Variants in VGLL3 observed in about 807,000 individuals in gnomAD.
VGLL3 encodes vestigial like family member 3.
VGLL3 carries 18 observed loss-of-function variants against 29.2 expected under a neutral mutation model. The ratio of observed to expected loss-of-function variants is 0.62; its 90% CI spans 0.43 to 0.91. VGLL3 has a LOEUF of 0.91. Ranked by LOEUF, VGLL3 falls within the 40% of genes least tolerant of loss-of-function variation. The pLI is 0.00. For synonymous variants in VGLL3, 180 were observed against 151.8 expected, an observed-to-expected ratio of 1.19 and a Z score of -1.36; for missense variants, 440 against 413.2, an observed-to-expected ratio of 1.06 and a Z score of -0.56.
At chr3:86,947,166 G>C (rs1415863233) in intron 3 of VGLL3, 99 bp from the exon 4 acceptor site, 4 of 737,722 alleles carry the variant, frequency 5.4e-6, no homozygotes, top group Non-Finnish European at 1.0e-5. Context: ...AAACCAAAAT[G>C]ATAATCCAGG....
At chr3:86,948,258 C>T (rs1315786026) in intron 3 of VGLL3, among the ~76,000 whole-genome samples, 1 of 151,994 alleles carries the variant, frequency 6.6e-6, no homozygotes, top group Non-Finnish European at 1.5e-5. Flanking sequence ...TGTGTGGGTG[C>T]AAGGATCTCA....
At chr3:86,973,128 A>C (rs868760829) in intron 2 of VGLL3, among the ~76,000 whole-genome samples, 2 of 152,228 alleles carry the variant, frequency 1.3e-5, no homozygotes, top group Middle Eastern at 3.4e-3. Flanking sequence ...CCGAGTAAAA[A>C]ATTTAAGAAA....
intron 3 of VGLL3, among the ~76,000 whole-genome samples, chr3:86,968,023 AG>A (rs1705000220): frequency 6.6e-6 from 1 of 152,186 alleles, no homozygotes; most frequent in Non-Finnish European, 1.5e-5. Flanking sequence ...AGAGAAAAGA[AG>A]GAAAGGCAAA....
chr3:86,953,727 CAT>C (rs945503912), intron 3 of VGLL3, among the ~76,000 whole-genome samples: 1 of 152,050 alleles, frequency 6.6e-6, no homozygotes, highest in Non-Finnish European at 1.5e-5. Flanking sequence ...ACTCTGGCCA[CAT>C]GTTTATGCTT....
chr3:86,950,098 T>A (rs1036409882), intron 3 of VGLL3, among the ~76,000 whole-genome samples: 3 of 152,152 alleles, frequency 2.0e-5, no homozygotes, highest in African/African-American at 7.2e-5. Context: ...GCTTCCTCAC[T>A]TACCCAAATC....
chr3:86,966,113 C>A (rs1434961182), intron 3 of VGLL3, among the ~76,000 whole-genome samples: 2 of 152,132 alleles, frequency 1.3e-5, no homozygotes, highest in African/African-American at 4.8e-5. Context: ...CATGATGGTG[C>A]ATTGTCCTCC....
intron 3 of VGLL3, chr3:86,962,276 T>A (rs759626136): frequency 1.4e-4 from 141 of 984,948 alleles, no homozygotes; most frequent in Non-Finnish European, 1.7e-4. Context: ...AAAGTAAGAG[T>A]GAGCTCGCAT....
chr3:86,971,370 T>C (rs576966993), intron 2 of VGLL3, among the ~76,000 whole-genome samples: 1 of 152,330 alleles, frequency 6.6e-6, no homozygotes, highest in East Asian at 1.9e-4. Context: ...GCTATGATCA[T>C]GACCATTCAT....
At chr3:86,967,205 G>A (rs1460979787) in intron 3 of VGLL3, among the ~76,000 whole-genome samples, 1 of 152,106 alleles carries the variant, frequency 6.6e-6, no homozygotes, top group Non-Finnish European at 1.5e-5. Context: ...AAACAGAGAA[G>A]AGCCTCCTGA....
At chr3:86,989,605 T>C (rs1283714358) in intron 1 of VGLL3, among the ~76,000 whole-genome samples, 3 of 152,160 alleles carry the variant, frequency 2.0e-5, no homozygotes, top group African/African-American at 7.2e-5. Flanking sequence ...CCTAAGAAAG[T>C]AAAAAGAAAT....
rs1445893616 is a variant in VGLL3 at position 86,938,455 on chromosome 3, T to C, written c.*8569A>G. The stretch of plus-strand genomic sequence containing the variant: ...AAGATCCACAAGAAAGGATAGAGTG[T>C]CATGCTTAAAGGGGAACAGATTTTG... On this transcript the variant is annotated 3_prime_UTR_variant, in exon 4 of 4. Transcript: ENST00000398399. 6.6e-6 allele frequency: 1 copy of C among 152,658 alleles called. No homozygotes were observed. The highest frequency in any genetic ancestry group is 1.5e-5 in the Non-Finnish European group (1 of 68,030). 9.5% of individuals were successfully genotyped at this position (152,658 alleles called of 1,614,324 possible).
At chr3:86,973,149 A>C (rs1019094799) in intron 2 of VGLL3, among the ~76,000 whole-genome samples, 2 of 152,162 alleles carry the variant, frequency 1.3e-5, no homozygotes, top group African/African-American at 4.8e-5. Flanking sequence ...GATAAGATTC[A>C]AAATTTAAAG....
intron 1 of VGLL3, among the ~76,000 whole-genome samples, chr3:86,985,231 C>G (rs1306340845): frequency 3.3e-5 from 5 of 152,142 alleles, no homozygotes; most frequent in Middle Eastern, 3.2e-3. Flanking sequence ...CAAAAAAACC[C>G]TACAGATCAT....
At chr3:86,976,843 T>C (rs1705219598) in intron 2 of VGLL3, among the ~76,000 whole-genome samples, 1 of 152,248 alleles carries the variant, frequency 6.6e-6, no homozygotes, top group Non-Finnish European at 1.5e-5. Flanking sequence ...GTAGACATTA[T>C]ATTTATTACT....
rs1201312611 is a variant in VGLL3, at chr3:86,941,572, AG to A, written c.*5451del. ...TAATAGAATTTCTTGGAACTTAAAA[AG>A]GAGATTCAGAAAAACTTATTGGATC... is the stretch of plus-strand genomic sequence containing the variant. On this transcript the variant is annotated 3_prime_UTR_variant, in exon 4 of 4. Transcript: ENST00000398399. 1 of 152,108 alleles carries A rather than the reference AG, an allele frequency of 6.6e-6. No individual in the cohort carries two copies. The highest frequency in any genetic ancestry group is 1.5e-5 in the Non-Finnish European group (1 of 67,990). 9.4% of individuals were successfully genotyped at this position (152,108 alleles called of 1,614,324 possible).
chr3:86,958,144 A>G (rs1437963362), intron 3 of VGLL3, among the ~76,000 whole-genome samples: 1 of 152,130 alleles, frequency 6.6e-6, no homozygotes, highest in Non-Finnish European at 1.5e-5. Context: ...CCACCTCTTG[A>G]TGGTAATCGC....
intron 3 of VGLL3, among the ~76,000 whole-genome samples, chr3:86,968,084 A>G (rs1210216768): frequency 1.3e-5 from 2 of 152,154 alleles, no homozygotes; most frequent in African/African-American, 4.8e-5. Context: ...AGGAGGAAGA[A>G]AATGAAGAAA....
intron 2 of VGLL3, among the ~76,000 whole-genome samples, chr3:86,975,572 A>T (rs1196186362): frequency 3.3e-5 from 5 of 152,186 alleles, no homozygotes; most frequent in Admixed American, 3.3e-4. Flanking sequence ...TTTCTATTAA[A>T]GACTCTTGTT....
intron 3 of VGLL3, among the ~76,000 whole-genome samples, chr3:86,958,026 A>G (rs954229259): frequency 6.6e-6 from 1 of 152,180 alleles, no homozygotes; most frequent in Non-Finnish European, 1.5e-5. Context: ...ACAGACAAAT[A>G]TGCACACTTT....
Sources: gnomAD v4.1 joint callset for allele counts (sites outside exome capture counted in the v4.1 genomes callset) on GRCh38, gnomAD v4.1.1 for gene constraint, MANE v1.5 for transcripts, NCBI Gene and HGNC (gene_info 2026-07-23, HGNC 2026-07-21) for gene names.